Variants in BABAM2 observed in about 807,000 individuals in gnomAD.
The protein encoded by BABAM2 is BRISC and BRCA1-A complex member 2.
A neutral mutation model predicts 54.7 loss-of-function variants in BABAM2; 31 were observed. The ratio of observed to expected loss-of-function variants is 0.57; its 90% CI spans 0.43 to 0.77. The LOEUF (loss-of-function observed/expected upper bound fraction) is 0.77. Ranked by LOEUF, BABAM2 falls within the 30% of genes least tolerant of loss-of-function variation. The pLI is 0.00. For synonymous variants in BABAM2, 167 were observed against 162.9 expected (o/e 1.03, Z -0.19); for missense variants, 364 against 455.8 (o/e 0.80, Z 1.83).
rs397735161 is a variant in BABAM2 at position 28,040,294 on chromosome 2, C to CTTTTT, written c.496-5411_496-5407dup. On this transcript the variant is annotated intron_variant, in intron 5 of 11. Transcript: ENST00000379624. ...CAGTGCCAGAATGAAAAACTGAATT[C>CTTTTT]TTTTTTTTTTTTTTTTTTTTTTTTG... Among the ~76,000 whole-genome samples the CTTTTT allele has an allele frequency of 5.7e-3, 340 of 59,492 alleles. 12 individuals are homozygous for CTTTTT. Among genetic ancestry groups the CTTTTT allele is most frequent in the Non-Finnish European group, 7.3e-3 (246 of 33,476 alleles). 39.0% of individuals were successfully genotyped at this position (59,492 alleles called of 152,430 possible).
chr2:28,069,702 A>G (rs908503758), intron 6 of BABAM2, among the ~76,000 whole-genome samples: 3 of 152,208 alleles, frequency 2.0e-5, no homozygotes, highest in Non-Finnish European at 2.9e-5. Context: ...TATTGGTTGC[A>G]TGCCTTGGCT....
intron 7 of BABAM2, among the ~76,000 whole-genome samples, chr2:28,180,912 G>A (rs994576899): frequency 1.3e-5 from 2 of 152,126 alleles, no homozygotes; most frequent in African/African-American, 2.4e-5. Flanking sequence ...CAGTGAGATA[G>A]CATTTTATCC....
intron 4 of BABAM2, chr2:28,016,088 T>C: frequency 2.4e-6 from 2 of 843,126 alleles, no homozygotes; most frequent in South Asian, 1.4e-5. Flanking sequence ...CGGTTCTTTT[T>C]CTTTCTCAGT....
chr2:28,263,708 C>A (rs60922136), intron 10 of BABAM2, among the ~76,000 whole-genome samples: 20,244 of 152,218 alleles, frequency 0.13, 1,666 homozygotes, highest in African/African-American at 0.23. Flanking sequence ...CTACACATGT[C>A]TATGGTCAGA....
intron 3 of BABAM2, among the ~76,000 whole-genome samples, chr2:27,955,274 C>T (rs1217776206): frequency 2.0e-5 from 3 of 152,182 alleles, no homozygotes; most frequent in African/African-American, 4.8e-5. Flanking sequence ...AACTGCTCTC[C>T]TGTAAGTTCT....
chr2:28,046,817 C>A (rs1677614974), intron 6 of BABAM2, among the ~76,000 whole-genome samples: 1 of 150,728 alleles, frequency 6.6e-6, no homozygotes, highest in East Asian at 2.0e-4. Context: ...TGGTCTTGCT[C>A]TGTCACCCAA....
At chr2:28,076,189 G>A (rs898067810) in intron 6 of BABAM2, among the ~76,000 whole-genome samples, 1 of 152,028 alleles carries the variant, frequency 6.6e-6, no homozygotes, top group Non-Finnish European at 1.5e-5. Context: ...TGGGAGGATC[G>A]CTTGAGCCTG....
chr2:27,985,055 T>C (rs1265238968), intron 3 of BABAM2, among the ~76,000 whole-genome samples: 2 of 94,966 alleles, frequency 2.1e-5, no homozygotes, highest in African/African-American at 8.4e-5. Context: ...TAGTATTCCA[T>C]GATGTGTGTG....
intron 4 of BABAM2, among the ~76,000 whole-genome samples, chr2:28,018,949 G>C (rs1324450977): frequency 6.6e-6 from 1 of 152,002 alleles, no homozygotes; most frequent in Non-Finnish European, 1.5e-5. Context: ...CATCATCTAG[G>C]TTTTAAGCCC....
chr2:27,960,129 T>A (rs1445039064), intron 3 of BABAM2, among the ~76,000 whole-genome samples: 1 of 152,184 alleles, frequency 6.6e-6, no homozygotes, highest in African/African-American at 2.4e-5. Flanking sequence ...ACTCAAAGGA[T>A]CCTTCATACC....
intron 2 of BABAM2, among the ~76,000 whole-genome samples, chr2:27,918,029 T>C (rs1011019609): frequency 2.0e-5 from 3 of 152,232 alleles, no homozygotes; most frequent in African/African-American, 7.2e-5. Context: ...GTATTTTAAT[T>C]ACTAACATTT....
intron 11 of BABAM2, among the ~76,000 whole-genome samples, chr2:28,335,219 C>T (rs1367422254): frequency 7.6e-6 from 1 of 132,266 alleles, no homozygotes; most frequent in Non-Finnish European, 1.5e-5. Context: ...GCTGGAGTGC[C>T]ATGGTGCGGA....
At chr2:28,186,201 G>A (rs1676262694) in intron 7 of BABAM2, among the ~76,000 whole-genome samples, 2 of 152,122 alleles carry the variant, frequency 1.3e-5, no homozygotes, top group Admixed American at 1.3e-4. Flanking sequence ...TTTTTCTAAT[G>A]TATTTATTTT....
At chr2:27,961,764 G>A (rs976854660) in intron 3 of BABAM2, among the ~76,000 whole-genome samples, 6 of 125,244 alleles carry the variant, frequency 4.8e-5, no homozygotes, top group African/African-American at 1.9e-4. Flanking sequence ...GTCTCACTCT[G>A]TCACCCAGGC....
At chr2:28,069,331 G>T (rs1229821168) in intron 6 of BABAM2, among the ~76,000 whole-genome samples, 1 of 152,134 alleles carries the variant, frequency 6.6e-6, no homozygotes, top group Non-Finnish European at 1.5e-5. Context: ...ATAAATATTT[G>T]TTGAGTACCT....
intron 7 of BABAM2, among the ~76,000 whole-genome samples, chr2:28,164,405 A>G (rs1673422265): frequency 6.6e-6 from 1 of 152,110 alleles, no homozygotes; most frequent in South Asian, 2.1e-4. Context: ...TGGAAGCATA[A>G]ATATAAACCT....
At chr2:27,909,616 C>T (rs911377592) in intron 2 of BABAM2, among the ~76,000 whole-genome samples, 2 of 152,150 alleles carry the variant, frequency 1.3e-5, no homozygotes, top group African/African-American at 4.8e-5. Context: ...ATTTCTCTAG[C>T]CTGCCCCTCT....
chr2:28,191,164 C>T (rs1404776316), intron 7 of BABAM2, among the ~76,000 whole-genome samples: 3 of 152,056 alleles, frequency 2.0e-5, no homozygotes, highest in Non-Finnish European at 1.5e-5. Flanking sequence ...TGAACAAATA[C>T]GTAGTCATTG....
intron 6 of BABAM2, among the ~76,000 whole-genome samples, chr2:28,091,800 G>C (rs933525572): frequency 2.0e-5 from 3 of 152,106 alleles, no homozygotes. Flanking sequence ...ATAATATTTT[G>C]TCAATAAATA....
Sources: gnomAD v4.1 joint callset for allele counts (sites outside exome capture counted in the v4.1 genomes callset) on GRCh38, gnomAD v4.1.1 for gene constraint, MANE v1.5 for transcripts, NCBI Gene and HGNC (gene_info 2026-07-23, HGNC 2026-07-21) for gene names.